Variants in PRKAR1B observed in about 807,000 individuals in gnomAD.
PRKAR1B encodes the protein cAMP-dependent protein kinase type I-beta regulatory subunit.
PRKAR1B carries 22 observed loss-of-function variants against 46.5 expected under a neutral mutation model. The observed-to-expected ratio is 0.47, with a 90% CI of 0.34 to 0.68. PRKAR1B has a LOEUF of 0.68. Ranked by LOEUF, PRKAR1B falls within the 30% of genes least tolerant of loss-of-function variation. The pLI is 0.01. For missense variants in PRKAR1B, 445 were observed against 535.6 expected, an observed-to-expected ratio of 0.83 and a Z score of 1.67; for synonymous variants, 259 against 217.7, an observed-to-expected ratio of 1.19 and a Z score of -1.67.
At chr7:718,008 C>A (rs7794350) in intron 1 of PRKAR1B, among the ~76,000 whole-genome samples, 8 of 151,900 alleles carry the variant, frequency 5.3e-5, no homozygotes, top group Non-Finnish European at 1.0e-4. Context: ...GCCAGCTGCC[C>A]TTTCATCAGT....
intron 10 of PRKAR1B, 84 bp downstream of exon 10, chr7:551,305 C>G: frequency 7.5e-7 from 1 of 1,329,754 alleles, no homozygotes; most frequent in Non-Finnish European, 1.0e-6. Flanking sequence ...AGCCCCCCAG[C>G]AGCTCCTCAC....
intron 2 of PRKAR1B, among the ~76,000 whole-genome samples, chr7:689,074 A>G (rs1217350030): frequency 6.6e-6 from 1 of 152,220 alleles, no homozygotes; most frequent in Admixed American, 6.5e-5. Flanking sequence ...TTGAGGAAAT[A>G]AAAGACAAAA....
chr7:639,176 G>T (rs745883282), intron 4 of PRKAR1B, among the ~76,000 whole-genome samples: 1 of 152,190 alleles, frequency 6.6e-6, no homozygotes, highest in Non-Finnish European at 1.5e-5. Context: ...GGAGTAGGGG[G>T]ACTTTGACTA....
At chr7:726,593 C>A in intron 1 of PRKAR1B, 3 of 669,962 alleles carry the variant, frequency 4.5e-6, no homozygotes, top group Non-Finnish European at 6.3e-6. Context: ...AGCACAGGCC[C>A]ACGTGCGCAC....
intron 2 of PRKAR1B, among the ~76,000 whole-genome samples, chr7:706,564 A>G (rs1340331389): frequency 7.2e-6 from 1 of 138,390 alleles, no homozygotes; most frequent in East Asian, 2.1e-4. Flanking sequence ...GACTACAGGC[A>G]CCCGCCACCA....
At chr7:629,006 C>T (rs766590757) in intron 4 of PRKAR1B, among the ~76,000 whole-genome samples, 2 of 152,212 alleles carry the variant, frequency 1.3e-5, no homozygotes, top group Non-Finnish European at 2.9e-5. Context: ...TCCGCCACCG[C>T]GGGACGCCAT....
At chr7:674,802 C>T (rs1284856733) in intron 4 of PRKAR1B, among the ~76,000 whole-genome samples, 2 of 152,252 alleles carry the variant, frequency 1.3e-5, no homozygotes, top group African/African-American at 4.8e-5. Flanking sequence ...ACAGAAGCAA[C>T]AGGTGTTCCT....
Position 686,989 on chromosome 7 carries a change from G to T in PRKAR1B, c.178-6263C>A, listed in dbSNP as rs531800397. Among the ~76,000 whole-genome samples, 33 of 152,284 alleles carry T rather than the reference G, an allele frequency of 2.2e-4. No homozygotes were observed. In the South Asian group the frequency reaches 5.8e-3, roughly 27 times the overall value. On this transcript the variant is annotated intron_variant, in intron 2 of 10. Coordinates refer to ENST00000537384, the MANE Select transcript of PRKAR1B (RefSeq NM_001164760.2). ...TGGACACTAGAAAGAAAGATGAGCT[G>T]GGATTAAGCCAGCCTCCCTGGGACT...
chr7:649,141 G>A (rs1784765398), intron 4 of PRKAR1B, among the ~76,000 whole-genome samples: 1 of 152,120 alleles, frequency 6.6e-6, no homozygotes, highest in South Asian at 2.1e-4. Context: ...TCCAGCCTGG[G>A]TGACAGAGTG....
rs1784535121 is a variant in PRKAR1B, at chr7:644,504, C to T, written c.440+32725G>A. Among the ~76,000 whole-genome samples, 3 of 152,210 alleles carry T rather than the reference C, an allele frequency of 2.0e-5. No individual in the cohort carries two copies. The highest frequency in any genetic ancestry group is 7.2e-5 in the African/African-American group (3 of 41,464). ...CCCACTCGGACGCCATCCCGGGGTC[C>T]AGCATCCCTCCGAGGGCCCACCCTC... On this transcript the variant is annotated intron_variant, in intron 4 of 10. Coordinates refer to ENST00000537384, the MANE Select transcript of PRKAR1B (RefSeq NM_001164760.2). The surrounding 1 kb of genome is among the most constrained non-coding windows in gnomAD (Gnocchi z 4.9).
At chr7:619,937 A>G (rs576613849) in intron 4 of PRKAR1B, among the ~76,000 whole-genome samples, 2 of 152,054 alleles carry the variant, frequency 1.3e-5, no homozygotes, top group East Asian at 3.9e-4. Context: ...TGTAGCCTCG[A>G]ACTCCTGGGC....
chr7:558,626 G>A (rs1329819424), intron 9 of PRKAR1B, among the ~76,000 whole-genome samples: 7 of 151,980 alleles, frequency 4.6e-5, no homozygotes, highest in East Asian at 1.9e-4. Flanking sequence ...CGTGGTGCGC[G>A]CCTGTAATCC....
rs1261453566 is a variant in PRKAR1B at position 560,592 on chromosome 7, C to T, written c.892-9122G>A. ...CCTGCACCTTGGGCCAGGTCATCAG[C>T]ACCAAAATCGGGCCGCAGACCAAGA... On this transcript the variant is annotated intron_variant, in intron 9 of 10. Coordinates refer to ENST00000537384, the MANE Select transcript of PRKAR1B (RefSeq NM_001164760.2). The surrounding 1 kb of genome is among the most constrained non-coding windows in gnomAD (Gnocchi z 4.2). 2.6e-5 allele frequency among the ~76,000 whole-genome samples: 4 copies of T among 152,116 alleles called. No individual in the cohort carries two copies. Among genetic ancestry groups the T allele is most frequent in the Non-Finnish European group, 4.4e-5 (3 of 68,014 alleles).
chr7:639,813 C>T (rs538328336), intron 4 of PRKAR1B, among the ~76,000 whole-genome samples: 1 of 151,856 alleles, frequency 6.6e-6, no homozygotes, highest in South Asian at 2.1e-4. Context: ...ATGATCATCG[C>T]GCCACTGCAC....
At chr7:700,917 G>A (rs1050005083) in intron 2 of PRKAR1B, among the ~76,000 whole-genome samples, 16 of 152,154 alleles carry the variant, frequency 1.1e-4, no homozygotes, top group African/African-American at 2.7e-4. Context: ...GCAGGGCATC[G>A]TGGCTCACGC....
intron 9 of PRKAR1B, among the ~76,000 whole-genome samples, chr7:571,596 C>A (rs1009155316): frequency 2.6e-5 from 4 of 152,210 alleles, no homozygotes; most frequent in African/African-American, 9.6e-5. Context: ...CCTCCCAGGC[C>A]GCTGCCGCCC....
chr7:660,085 C>T (rs894564048), intron 4 of PRKAR1B, among the ~76,000 whole-genome samples: 3 of 152,008 alleles, frequency 2.0e-5, no homozygotes, highest in Non-Finnish European at 4.4e-5. Flanking sequence ...TCTCCATCCC[C>T]TACTCGGAGT....
intron 2 of PRKAR1B, among the ~76,000 whole-genome samples, chr7:695,427 G>A (rs915502793): frequency 6.6e-6 from 1 of 152,114 alleles, no homozygotes; most frequent in Admixed American, 6.5e-5. Context: ...AGAGCCCCGT[G>A]CCGGTCAGGA....
At chr7:682,944 G>A (rs1042981197) in intron 2 of PRKAR1B, among the ~76,000 whole-genome samples, 4 of 152,068 alleles carry the variant, frequency 2.6e-5, no homozygotes, top group Admixed American at 6.6e-5. Context: ...TCTCCCTCCC[G>A]GCCTCACCCT....
Sources: gnomAD v4.1 joint callset for allele counts (sites outside exome capture counted in the v4.1 genomes callset) on GRCh38, gnomAD v4.1.1 for gene constraint, Gnocchi (gnomAD v3.1) non-coding constraint, MANE v1.5 for transcripts, NCBI Gene and HGNC (gene_info 2026-07-23, HGNC 2026-07-21) for gene names.